The following FAM168A variants were observed in gnomAD, a reference collection of about 807,000 sequenced individuals.
The protein encoded by FAM168A is protein FAM168A.
In FAM168A, 3 loss-of-function variants were observed where a neutral mutation model predicts 28.5. The ratio of observed to expected loss-of-function variants is 0.11; its 90% CI spans 0.05 to 0.27. The LOEUF is 0.27. Ranked by LOEUF, FAM168A falls within the 10% of genes least tolerant of loss-of-function variation. The probability of loss-of-function intolerance (pLI) is 1.00; values close to 1 mark genes in which losing one functional copy is unlikely to be tolerated. For missense variants in FAM168A, 222 were observed against 311.5 expected, an observed-to-expected ratio of 0.71 and a Z score of 2.16; for synonymous variants, 122 against 124.2, an observed-to-expected ratio of 0.98 and a Z score of 0.12.
intron 1 of FAM168A, among the ~76,000 whole-genome samples, chr11:73,518,785 T>G (rs770097549): frequency 6.6e-6 from 1 of 152,096 alleles, no homozygotes; most frequent in Non-Finnish European, 1.5e-5. Flanking sequence ...TAGTCCCAGA[T>G]ACTCAGGAGG....
chr11:73,434,192 T>C (rs1372562953), intron 2 of FAM168A, among the ~76,000 whole-genome samples: 1 of 151,882 alleles, frequency 6.6e-6, no homozygotes, highest in Non-Finnish European at 1.5e-5. Context: ...AATCTGAGTA[T>C]CTACTTGGTG....
intron 1 of FAM168A, among the ~76,000 whole-genome samples, chr11:73,472,690 G>T (rs1867831792): frequency 1.3e-5 from 2 of 152,150 alleles, no homozygotes; most frequent in African/African-American, 2.4e-5. Flanking sequence ...CAGTGATGGT[G>T]GTGGTGGAAA....
intron 2 of FAM168A, among the ~76,000 whole-genome samples, chr11:73,461,761 G>A (rs921159248): frequency 5.3e-5 from 8 of 152,194 alleles, no homozygotes; most frequent in East Asian, 1.9e-4. Flanking sequence ...ACAGACTGGG[G>A]ACAGGGGTAT....
At chr11:73,420,106 G>C in intron 3 of FAM168A, 107 bp from the exon 4 acceptor site, 5 of 1,399,980 alleles carry the variant, frequency 3.6e-6, no homozygotes, top group Non-Finnish European at 4.9e-6. Flanking sequence ...TACAACCCAA[G>C]GGGCCTGTTC....
At chr11:73,597,009 C>A (rs1235851038) in intron 1 of FAM168A, among the ~76,000 whole-genome samples, 1 of 152,092 alleles carries the variant, frequency 6.6e-6, no homozygotes, top group Non-Finnish European at 1.5e-5. Flanking sequence ...GTTTTATGTG[C>A]CCTCTGCCTT....
intron 1 of FAM168A, among the ~76,000 whole-genome samples, chr11:73,473,614 T>A (rs1867846096): frequency 6.6e-6 from 1 of 152,178 alleles, no homozygotes; most frequent in African/African-American, 2.4e-5. Flanking sequence ...GAAGACACCA[T>A]GCATGCTTGT....
At chr11:73,570,539 T>C (rs113523105) in intron 1 of FAM168A, among the ~76,000 whole-genome samples, 11,033 of 151,902 alleles carry the variant, frequency 0.073, 1,200 homozygotes, top group African/African-American at 0.23. Context: ...CTCAGGAGTG[T>C]GAGACAAGCC....
At chr11:73,550,585 G>A (rs1311458245) in intron 1 of FAM168A, among the ~76,000 whole-genome samples, 1 of 152,156 alleles carries the variant, frequency 6.6e-6, no homozygotes, top group Non-Finnish European at 1.5e-5. Flanking sequence ...AGACTGGGGG[G>A]TCGAGGATGC....
rs913212167 is a variant in FAM168A at position 73,587,216 on chromosome 11, C to T, written c.-19+10707G>A. 4.7e-5 allele frequency among the ~76,000 whole-genome samples: 7 copies of T among 147,416 alleles called. No individual in the cohort carries two copies. In the East Asian group the frequency reaches 5.9e-4, roughly 13 times the overall value. On this transcript the variant is annotated intron_variant, in intron 1 of 7. Coordinates refer to ENST00000356467, the MANE Select transcript of FAM168A (RefSeq NM_015159.3). ...TTCATTAAAGAATGTTCTTGCCAGA[C>T]GCAATGGCTCACACCTGTAATCCCA...
chr11:73,523,864 A>ATTT (rs112025313), intron 1 of FAM168A, among the ~76,000 whole-genome samples: 11,296 of 145,198 alleles, frequency 0.078, 1,468 homozygotes, highest in African/African-American at 0.27. Context: ...CTTTTCCCCT[A>ATTT]TTTTTTTTTT....
intron 1 of FAM168A, among the ~76,000 whole-genome samples, chr11:73,499,117 C>T (rs1007860589): frequency 6.6e-6 from 1 of 152,120 alleles, no homozygotes; most frequent in African/African-American, 2.4e-5. Context: ...CAGGCTGGTG[C>T]CCCTCAAGGT....
At chr11:73,514,438 T>C (rs997779073) in intron 1 of FAM168A, among the ~76,000 whole-genome samples, 3 of 152,184 alleles carry the variant, frequency 2.0e-5, no homozygotes, top group African/African-American at 2.4e-5. Context: ...TTGAGGGAAA[T>C]TGTGCTTTAA....
In FAM168A at chr11:73,455,257, G is replaced by A. The variant is rs112158258; in HGVS notation, c.70+13148C>T. 2.2e-4 allele frequency among the ~76,000 whole-genome samples: 33 copies of A among 152,366 alleles called. 1 individual carries two copies. The highest frequency in any genetic ancestry group is 7.2e-4 in the African/African-American group (30 of 41,594). The stretch of plus-strand genomic sequence containing the variant: ...CACAAAGGGTTGAGCATGGCGAGCT[G>A]AGTAAGCAGAGTTTGTTCCTGCCAG... On this transcript the variant is annotated intron_variant, in intron 2 of 7. Coordinates refer to ENST00000356467, the MANE Select transcript of FAM168A (RefSeq NM_015159.3).
chr11:73,508,408 A>G (rs1855156690), intron 1 of FAM168A, among the ~76,000 whole-genome samples: 1 of 152,222 alleles, frequency 6.6e-6, no homozygotes, highest in Admixed American at 6.5e-5. Flanking sequence ...CATCTTTAAT[A>G]CACAATAAAA....
At chr11:73,445,419 CTTTTTTTTTT>C (rs56294455) in intron 2 of FAM168A, among the ~76,000 whole-genome samples, 25 of 50,458 alleles carry the variant, frequency 5.0e-4, no homozygotes, top group African/African-American at 7.8e-4. Flanking sequence ...AAAAATGTCT[CTTTTTTTTTT>C]TTTTTTTTTT....
At position 73,499,780 on chromosome 11, in the gene FAM168A, TTGAAG is replaced by T. The variant is rs568458635; in HGVS notation, c.-18-31293_-18-31289del. On this transcript the variant is annotated intron_variant, in intron 1 of 7. Coordinates refer to ENST00000356467, the MANE Select transcript of FAM168A (RefSeq NM_015159.3). Reference sequence around the variant, plus strand: ...CAAGCGGAAGAAAGGTTATCAGAGTTTGAAGACCACTTTACTGAAATAAGACATGC... The same window carrying T: ...CAAGCGGAAGAAAGGTTATCAGAGTTACCACTTTACTGAAATAAGACATGC... 4.8e-3 allele frequency among the ~76,000 whole-genome samples: 726 copies of T among 152,082 alleles called. 4 individuals carry two copies. Among genetic ancestry groups the T allele is most frequent in the African/African-American group, 0.017 (690 of 41,484 alleles).
intron 1 of FAM168A, among the ~76,000 whole-genome samples, chr11:73,576,323 A>G (rs1381406474): frequency 6.6e-6 from 1 of 152,238 alleles, no homozygotes; most frequent in Non-Finnish European, 1.5e-5. Flanking sequence ...TAGCGAAATT[A>G]TTCACAACAG....
Position 73,409,694 on chromosome 11 carries a change from T to C in FAM168A, c.421-33A>G, listed in dbSNP as rs368988014. The C allele has an allele frequency of 1.5e-4, 233 of 1,575,232 alleles. No homozygotes were observed. The highest frequency in any genetic ancestry group is 1.7e-4 in the Non-Finnish European group (198 of 1,157,882). ...AAAGAGGCTGAGGTCACATAGGCAT[T>C]TGGAGAGGTAGGTGGGATATGGAGA... On this transcript the variant is annotated intron_variant, in intron 5 of 7. Coordinates refer to ENST00000356467, the MANE Select transcript of FAM168A (RefSeq NM_015159.3).
At chr11:73,511,239 T>C (rs1341329651) in intron 1 of FAM168A, among the ~76,000 whole-genome samples, 1 of 151,256 alleles carries the variant, frequency 6.6e-6, no homozygotes, top group Non-Finnish European at 1.5e-5. Flanking sequence ...GAATTTTTCT[T>C]TTTTTTTCTT....
Sources: gnomAD v4.1 joint callset for allele counts (sites outside exome capture counted in the v4.1 genomes callset) on GRCh38, gnomAD v4.1.1 for gene constraint, MANE v1.5 for transcripts, NCBI Gene and HGNC (gene_info 2026-07-23, HGNC 2026-07-21) for gene names.